CCDC80: variants seen among roughly 807,000 people sequenced by gnomAD.
The protein encoded by CCDC80 is coiled-coil domain-containing protein 80.
A neutral mutation model predicts 78.7 loss-of-function variants in CCDC80; 49 were observed. That is an observed-to-expected ratio of 0.62 (90% CI 0.50 to 0.79). The LOEUF (loss-of-function observed/expected upper bound fraction) is 0.79, where lower values mean the gene tolerates loss of function less well. Ranked by LOEUF, CCDC80 falls within the 30% of genes least tolerant of loss-of-function variation. CCDC80 has a pLI of 0.00. For synonymous variants in CCDC80, 488 were observed against 447.0 expected (o/e 1.09, Z -1.16); for missense variants, 1,205 against 1,198.6 (o/e 1.01, Z -0.08).
In CCDC80 at chr3:112,605,710, G is replaced by GAA; in HGVS notation, c.2558_2559dup (p.Arg854PhefsTer7). ...TCCGGGCTCACTTGAAAATAGTTACGAATGTCTTTCACCAAATGGGCTGGT... is the reference window on the plus strand; with the variant it reads ...TCCGGGCTCACTTGAAAATAGTTACGAAAATGTCTTTCACCAAATGGGCTGGT... On this transcript the variant is annotated frameshift_variant, in exon 8 of 8. Transcript: ENST00000206423. LOFTEE classifies it high-confidence loss of function. 6.2e-7 allele frequency: 1 copy of GAA among 1,614,148 alleles called. No individual in the cohort carries two copies. The highest frequency in any genetic ancestry group is 8.5e-7 in the Non-Finnish European group (1 of 1,180,018).
rs747003660 is a variant in CCDC80, at chr3:112,638,686, C to A, written c.1220G>T (p.Arg407Ile). ...GTAAAGATTCTCTGAAACTGAGGGT[C>A]TCCTGGCAGTGATCACCTCAGTGGT... ...PTTTEVITARRPSVSENLYPP... is the reference protein window; with the variant it reads ...PTTTEVITARIPSVSENLYPP... Residue 407 changes from arginine (R) to isoleucine (I), a missense_variant, in exon 2 of 8, where the codon AGA becomes ATA. By Grantham distance (97) the Arg-to-Ile change is moderately conservative. Coordinates refer to ENST00000206423, the MANE Select transcript of CCDC80 (RefSeq NM_199511.3). 2.5e-6 allele frequency: 4 copies of A among 1,613,922 alleles called. No individual in the cohort carries two copies. Among genetic ancestry groups the A allele is most frequent in the Non-Finnish European group, 2.5e-6 (3 of 1,180,000 alleles).
chr3:112,605,503 A>T lies in CCDC80; in HGVS notation c.2767T>A (p.Tyr923Asn), dbSNP rs757817759. ...TGGTATCCTTGGTGGTAACTATGGT[A>T]ACCATAGCCTGCATACTCATCTTCT... ...CPEDEYAGYG[Y>N]HSYHQGYQDG... is the part of the protein sequence containing the mutation. Residue 923 changes from tyrosine to asparagine, a missense_variant, in exon 8 of 8, where the codon TAC becomes AAC. Tyr to Asn is a moderately radical substitution (Grantham distance 143, BLOSUM62 -2). Transcript: ENST00000206423. 4.3e-6 allele frequency: 7 copies of T among 1,614,020 alleles called. No homozygotes were observed. In the South Asian group the frequency reaches 7.7e-5, roughly 18 times the overall value.
rs147042175 is a variant in CCDC80 at position 112,640,560 on chromosome 3, T to C, written c.-245A>G. ...GCCTTTTCTTTCTGGCTGTGTCTTTTTACCTTCTGGACAAGTAGGATGAGG... is the reference window on the plus strand; with the variant it reads ...GCCTTTTCTTTCTGGCTGTGTCTTTCTACCTTCTGGACAAGTAGGATGAGG... On this transcript the variant is annotated 5_prime_UTR_variant, in exon 1 of 8. An upstream open reading frame in the 5' UTR loses its in-frame stop. Coordinates refer to ENST00000206423, the MANE Select transcript of CCDC80 (RefSeq NM_199511.3). 4.3e-4 allele frequency: 66 copies of C among 152,978 alleles called. No individual in the cohort carries two copies. The highest frequency in any genetic ancestry group is 1.6e-3 in the African/African-American group (65 of 41,568). The allele number at this position is 152,978 out of a possible 1,614,324, so 9.5% of individuals were successfully genotyped here.
intron 3 of CCDC80, among the ~76,000 whole-genome samples, chr3:112,626,078 T>A (rs999359954): frequency 6.6e-6 from 1 of 152,202 alleles, no homozygotes; most frequent in Admixed American, 6.5e-5. Context: ...ATTTGACATA[T>A]CAGGCACTTT....
intron 2 of CCDC80, among the ~76,000 whole-genome samples, chr3:112,633,523 A>G (rs187926820): frequency 1.3e-5 from 2 of 152,184 alleles, no homozygotes; most frequent in African/African-American, 4.8e-5. Context: ...ACTGTCCTGC[A>G]GATGGTGGGG....
intron 1 of CCDC80, 31 bp from the exon 2 acceptor site, chr3:112,639,947 G>C (rs964573847): frequency 1.3e-6 from 2 of 1,560,972 alleles, no homozygotes; most frequent in East Asian, 2.3e-5. Flanking sequence ...ATAAAACAAA[G>C]GGGAGGGGGA....
chr3:112,607,050 G>C (rs1935528459), intron 7 of CCDC80, 126 bp downstream of exon 7: 3 of 643,210 alleles, frequency 4.7e-6, no homozygotes, highest in Admixed American at 2.9e-5. Context: ...ACAAATGCAT[G>C]AAGTGGGAGG....
intron 6 of CCDC80, among the ~76,000 whole-genome samples, chr3:112,609,776 T>C (rs564525336): frequency 5.4e-5 from 8 of 149,226 alleles, no homozygotes; most frequent in South Asian, 2.3e-4. Flanking sequence ...GAGAGAATAT[T>C]GAGGGAAAAA....
Position 112,619,160 on chromosome 3 carries a change from G to C in CCDC80, c.2036-56C>G, listed in dbSNP as rs1935813450. 12 of 1,472,498 alleles carry C rather than the reference G, an allele frequency of 8.1e-6. No homozygotes were observed. In the South Asian group the frequency reaches 1.7e-4, roughly 21 times the overall value. The allele number at this position is 1,472,498 out of a possible 1,614,324, so 91.2% of individuals were successfully genotyped here. A position where few individuals can be genotyped will look rare whatever the true frequency, so the allele number is the denominator to read the frequency against. Reference sequence around the variant, plus strand: ...GGTGTGGCAAGGCAGAAATCATTGGGAGGTGAATGGGTGAAGGCTTTGGGC... The same window carrying C: ...GGTGTGGCAAGGCAGAAATCATTGGCAGGTGAATGGGTGAAGGCTTTGGGC... On this transcript the variant is annotated intron_variant, in intron 3 of 7. Coordinates refer to ENST00000206423, the MANE Select transcript of CCDC80 (RefSeq NM_199511.3).
rs1361663450 is a variant in CCDC80, at chr3:112,597,335, T to C, written c.*8082A>G. 1 of 152,246 alleles carries C rather than the reference T, an allele frequency of 6.6e-6. No individual in the cohort carries two copies. Among genetic ancestry groups the C allele is most frequent in the African/African-American group, 2.4e-5 (1 of 41,468 alleles). 9.4% of individuals were successfully genotyped at this position (152,246 alleles called of 1,614,324 possible). On this transcript the variant is annotated 3_prime_UTR_variant, in exon 8 of 8. Coordinates refer to ENST00000206423, the MANE Select transcript of CCDC80 (RefSeq NM_199511.3). ...AACGATGTCACCCATCTTTGGCCTC[T>C]TAGCCGGAGCTGATCCTTACATGGG...
In CCDC80 at chr3:112,638,864, G is replaced by C. The variant is rs1328490086; in HGVS notation, c.1042C>G (p.Pro348Ala). The change falls in exon 2 of 8, where the codon CCC (proline) becomes GCC (alanine). Residue 348 changes from proline to alanine, a missense_variant. By Grantham distance (27) the Pro-to-Ala change is conservative. Coordinates refer to ENST00000206423, the MANE Select transcript of CCDC80 (RefSeq NM_199511.3). The part of the protein sequence containing the change: ...APALPQPPST[P>A]RATTLPPAPA... ...GCAGGAGGAAGGGTGGTGGCTCTGG[G>C]GGTTGAGGGAGGTTGGGGCAAAGCT... The C allele has an allele frequency of 6.2e-7, 1 of 1,613,678 alleles. No individual in the cohort carries two copies. Among genetic ancestry groups the C allele is most frequent in the East Asian group, 2.2e-5 (1 of 44,860 alleles).
intron 4 of CCDC80, among the ~76,000 whole-genome samples, chr3:112,618,285 C>T (rs1935792746): frequency 6.6e-6 from 1 of 152,140 alleles, no homozygotes; most frequent in African/African-American, 2.4e-5. Context: ...CTTTGGGAGG[C>T]CGAGGCAGGC....
intron 6 of CCDC80, 110 bp from the exon 7 acceptor site, chr3:112,607,366 T>G (rs537653810): frequency 4.1e-6 from 3 of 734,428 alleles, no homozygotes; most frequent in Non-Finnish European, 6.6e-6. Flanking sequence ...AAAAAGAATA[T>G]AGAGCATAAC....
At position 112,604,474 on chromosome 3, in the gene CCDC80, C is replaced by A. The variant is rs192797121; in HGVS notation, c.*943G>T. ...AAGTATTTTTAAAATAAAACATGTA[C>A]ATTTTTTGGACATAAAGCTATTATA... On this transcript the variant is annotated 3_prime_UTR_variant, in exon 8 of 8. Transcript: ENST00000206423. 37 of 151,556 alleles carry A rather than the reference C, an allele frequency of 2.4e-4. No individual in the cohort carries two copies. The allele number at this position is 151,556 out of a possible 1,614,324, so 9.4% of individuals were successfully genotyped here. A position where few individuals can be genotyped will look rare whatever the true frequency, so the allele number is the denominator to read the frequency against.
At chr3:112,627,071 TAA>T (rs1935991949) in intron 3 of CCDC80, among the ~76,000 whole-genome samples, 1 of 152,186 alleles carries the variant, frequency 6.6e-6, no homozygotes, top group Non-Finnish European at 1.5e-5. Context: ...ATGCCAATGT[TAA>T]AATATTTTTC....
In CCDC80 at chr3:112,605,138, C is replaced by T. The variant is rs572573022; in HGVS notation, c.*279G>A. On this transcript the variant is annotated 3_prime_UTR_variant, in exon 8 of 8. Transcript: ENST00000206423. ...AAAATTTTATATGCCAAATAAGGTC[C>T]TTCATATAAGAAAAGGAAAATAATA... The T allele has an allele frequency of 1.5e-4, 42 of 281,986 alleles. No individual in the cohort carries two copies. The highest frequency in any genetic ancestry group is 9.1e-4 in the African/African-American group (42 of 46,002). The allele number at this position is 281,986 out of a possible 1,614,324, so 17.5% of individuals were successfully genotyped here.
intron 3 of CCDC80, among the ~76,000 whole-genome samples, chr3:112,620,729 TAAAG>T (rs146723566): frequency 2.0e-5 from 3 of 152,246 alleles, no homozygotes; most frequent in East Asian, 1.9e-4. Context: ...ATACTAATAA[TAAAG>T]AAAATCATTC....
chr3:112,622,822 ATTTTTTTT>A (rs373170477), intron 3 of CCDC80, among the ~76,000 whole-genome samples: 11 of 118,896 alleles, frequency 9.3e-5, no homozygotes, highest in African/African-American at 3.1e-4. Flanking sequence ...TGCCCAGCTA[ATTTTTTTT>A]TTTTTTTTTT....
At chr3:112,633,943 A>G (rs1030429916) in intron 2 of CCDC80, among the ~76,000 whole-genome samples, 2 of 152,222 alleles carry the variant, frequency 1.3e-5, no homozygotes, top group Non-Finnish European at 2.9e-5. Context: ...CAGGGCATGT[A>G]TCATGAATTT....
Sources: gnomAD v4.1 joint callset for allele counts (sites outside exome capture counted in the v4.1 genomes callset) on GRCh38, gnomAD v4.1.1 for gene constraint, MANE v1.5 for transcripts, NCBI Gene and HGNC (gene_info 2026-07-23, HGNC 2026-07-21) for gene names.